DCC: variants seen among roughly 807,000 people sequenced by gnomAD.
DCC encodes netrin receptor DCC.
Under a neutral mutation model 172.5 loss-of-function variants are expected in DCC, and 58 were observed. That is an observed-to-expected ratio of 0.34 (90% CI 0.27 to 0.42). The LOEUF is 0.42. Among genes scored for constraint, DCC ranks in the 10% least tolerant of loss-of-function variants. The pLI is 1.00. For missense variants in DCC, 1,740 were observed against 1,791.0 expected, an observed-to-expected ratio of 0.97 and a Z score of 0.51; for synonymous variants, 709 against 644.5, an observed-to-expected ratio of 1.10 and a Z score of -1.52.
chr18:52,965,884 A>T (rs1380981193), intron 5 of DCC, among the ~76,000 whole-genome samples: 1 of 152,136 alleles, frequency 6.6e-6, no homozygotes, highest in Non-Finnish European at 1.5e-5. Context: ...ATCTCAGTGC[A>T]ATATACAAAC....
chr18:53,313,098 G>A (rs532907605), intron 13 of DCC, among the ~76,000 whole-genome samples: 1 of 150,642 alleles, frequency 6.6e-6, no homozygotes, highest in South Asian at 2.1e-4. Flanking sequence ...AAGGAAGGGA[G>A]GGAAGGAAAG....
intron 14 of DCC, among the ~76,000 whole-genome samples, chr18:53,333,837 C>T (rs2057560626): frequency 1.3e-5 from 2 of 152,206 alleles, no homozygotes; most frequent in African/African-American, 4.8e-5. Context: ...ATGGCTTCCA[C>T]ATCTGTGTAT....
At chr18:53,029,673 T>C (rs1392439929) in intron 5 of DCC, among the ~76,000 whole-genome samples, 3 of 152,094 alleles carry the variant, frequency 2.0e-5, no homozygotes, top group South Asian at 2.1e-4. Flanking sequence ...TATCATATTG[T>C]TTTATTTGAT....
At chr18:53,096,368 C>T (rs568374059) in intron 7 of DCC, among the ~76,000 whole-genome samples, 1 of 151,918 alleles carries the variant, frequency 6.6e-6, no homozygotes, top group Non-Finnish European at 1.5e-5. Context: ...AGAAAATTAA[C>T]AAGAGCTTGT....
intron 17 of DCC, among the ~76,000 whole-genome samples, chr18:53,396,830 T>C (rs1202692933): frequency 6.6e-6 from 1 of 152,150 alleles, no homozygotes; most frequent in Non-Finnish European, 1.5e-5. Flanking sequence ...ATTTTGATTA[T>C]AAATGAATTA....
chr18:52,417,705 C>T (rs1051600275), intron 1 of DCC, among the ~76,000 whole-genome samples: 1 of 152,214 alleles, frequency 6.6e-6, no homozygotes, highest in African/African-American at 2.4e-5. Context: ...GTTCTCGAGC[C>T]TTGGCTTTCA....
At chr18:52,867,061 C>G (rs2039239866) in intron 2 of DCC, among the ~76,000 whole-genome samples, 1 of 152,100 alleles carries the variant, frequency 6.6e-6, no homozygotes, top group African/African-American at 2.4e-5. Context: ...TCCATCAATA[C>G]CTAGTTTATT....
At chr18:53,101,742 T>G (rs2043174685) in intron 7 of DCC, among the ~76,000 whole-genome samples, 1 of 152,034 alleles carries the variant, frequency 6.6e-6, no homozygotes, top group African/African-American at 2.4e-5. Flanking sequence ...TTACTAGAGA[T>G]GCCATCAAGG....
rs571761334 is a variant in DCC at position 53,468,485 on chromosome 18, C to T, written c.3736+475C>T. ...GCAACTTCCACCTCCCAGGTTCAAGCGATTCTCATGCCTCAGTCTTCCAAG... is the reference window on the plus strand; with the variant it reads ...GCAACTTCCACCTCCCAGGTTCAAGTGATTCTCATGCCTCAGTCTTCCAAG... On this transcript the variant is annotated intron_variant, in intron 25 of 28. Transcript: ENST00000442544. 3.9e-5 allele frequency among the ~76,000 whole-genome samples: 6 copies of T among 151,926 alleles called. No individual in the cohort carries two copies. The South Asian group carries it at 6.2e-4, about 16-fold the overall frequency.
At chr18:52,926,518 A>T (rs995330664) in intron 5 of DCC, among the ~76,000 whole-genome samples, 2 of 151,808 alleles carry the variant, frequency 1.3e-5, no homozygotes, top group Non-Finnish European at 3.0e-5. Context: ...CAAAGAATAG[A>T]GAACTTTCAC....
chr18:52,453,038 T>A (rs928686766), intron 1 of DCC, among the ~76,000 whole-genome samples: 2 of 152,236 alleles, frequency 1.3e-5, no homozygotes, highest in Non-Finnish European at 2.9e-5. Context: ...CGAATGTGCA[T>A]GCATTGGTGT....
At chr18:53,304,921 A>G (rs952501982) in intron 12 of DCC, among the ~76,000 whole-genome samples, 2 of 152,056 alleles carry the variant, frequency 1.3e-5, no homozygotes, top group African/African-American at 4.8e-5. Context: ...CCTACCTGTC[A>G]TGGGAGGGAC....
At chr18:53,205,477 T>C (rs2144550306) in intron 10 of DCC, 113 bp downstream of exon 10, 1 of 973,020 alleles carries the variant, frequency 1.0e-6, no homozygotes, top group Non-Finnish European at 1.7e-6. Context: ...AACAGCCCAG[T>C]GTTAACACAT....
chr18:52,485,604 G>T (rs1477144716), intron 1 of DCC, among the ~76,000 whole-genome samples: 1 of 152,080 alleles, frequency 6.6e-6, no homozygotes. Context: ...ATACAGGAGA[G>T]CAAATGGCAA....
intron 1 of DCC, among the ~76,000 whole-genome samples, chr18:52,518,485 G>T (rs139484608): frequency 1.9e-4 from 29 of 152,314 alleles, no homozygotes; most frequent in African/African-American, 6.7e-4. Context: ...ATTACTCCTT[G>T]TGTCGTTTCC....
intron 23 of DCC, among the ~76,000 whole-genome samples, chr18:53,458,503 G>A (rs2045510449): frequency 6.6e-6 from 1 of 152,128 alleles, no homozygotes; most frequent in African/African-American, 2.4e-5. Flanking sequence ...TATCACACAG[G>A]GAACATTTAA....
At chr18:52,671,507 G>A (rs112640696) in intron 1 of DCC, among the ~76,000 whole-genome samples, 8 of 147,574 alleles carry the variant, frequency 5.4e-5, no homozygotes, top group South Asian at 2.2e-4. Flanking sequence ...CGTCACAATA[G>A]CATTGCTCAG....
chr18:52,537,411 C>T (rs1477634561), intron 1 of DCC, among the ~76,000 whole-genome samples: 1 of 152,054 alleles, frequency 6.6e-6, no homozygotes, highest in Non-Finnish European at 1.5e-5. Context: ...GGAAATTAAG[C>T]TTTTTCAAAA....
intron 1 of DCC, among the ~76,000 whole-genome samples, chr18:52,385,107 A>T (rs935248487): frequency 3.9e-5 from 6 of 152,148 alleles, no homozygotes; most frequent in African/African-American, 1.4e-4. Context: ...AGGAAAATTA[A>T]ATGTGAATGG....
Sources: allele counts gnomAD v4.1 joint callset (sites outside exome capture counted in the v4.1 genomes callset), GRCh38; gene constraint gnomAD v4.1.1; transcripts MANE v1.5; gene names NCBI Gene and HGNC (gene_info 2026-07-23, HGNC 2026-07-21).